Variants in PALLD observed in about 807,000 individuals in gnomAD.
The protein encoded by PALLD is palladin.
A neutral mutation model predicts 123.5 loss-of-function variants in PALLD; 61 were observed. The observed-to-expected ratio is 0.49, with a 90% CI of 0.40 to 0.61. The LOEUF is 0.61. Among genes scored for constraint, PALLD ranks in the 20% least tolerant of loss-of-function variants. The probability of loss-of-function intolerance (pLI) is 0.00; values close to 1 mark genes in which losing one functional copy is unlikely to be tolerated. For missense variants in PALLD, 1,273 were observed against 1,377.0 expected (o/e 0.92, Z 1.20); for synonymous variants, 465 against 496.4 (o/e 0.94, Z 0.84).
At chr4:168,714,834 G>C (rs1785186727) in intron 10 of PALLD, among the ~76,000 whole-genome samples, 1 of 151,582 alleles carries the variant, frequency 6.6e-6, no homozygotes, top group Non-Finnish European at 1.5e-5. Flanking sequence ...TCAGATGTCT[G>C]GGGGAAAGAA....
intron 10 of PALLD, among the ~76,000 whole-genome samples, chr4:168,823,584 G>A (rs1581648323): frequency 1.3e-5 from 2 of 152,278 alleles, no homozygotes; most frequent in East Asian, 3.9e-4. Context: ...GGAGGCTGAG[G>A]TGGGAGGATG....
intron 17 of PALLD, 92 bp from the exon 18 acceptor site, chr4:168,921,442 A>G (rs910808796): frequency 3.6e-6 from 3 of 827,230 alleles, no homozygotes; most frequent in African/African-American, 3.4e-5. Flanking sequence ...CTCTTGTACT[A>G]CTGAAGGAGG....
chr4:168,645,911 A>G (rs993114000), intron 2 of PALLD, among the ~76,000 whole-genome samples: 3 of 152,176 alleles, frequency 2.0e-5, no homozygotes, highest in Admixed American at 6.5e-5. Context: ...GAAGTAACAT[A>G]TGGAAAACTC....
rs147140708 is a variant in PALLD, at chr4:168,676,972, A to T, written c.1088-4360A>T. 6.0e-3 allele frequency among the ~76,000 whole-genome samples: 909 copies of T among 152,276 alleles called. 5 individuals are homozygous for T. Among genetic ancestry groups the T allele is most frequent in the Middle Eastern group, 0.014 (4 of 294 alleles). Reference sequence around the variant, plus strand: ...TCCACTGGCCAAAGCCTGGAGCAGGATCGTCGGCGTGTGATTCCTTCACTC... The same window carrying T: ...TCCACTGGCCAAAGCCTGGAGCAGGTTCGTCGGCGTGTGATTCCTTCACTC... On this transcript the variant is annotated intron_variant, in intron 3 of 21. Coordinates refer to ENST00000505667, the MANE Select transcript of PALLD (RefSeq NM_001166108.2).
chr4:168,796,102 G>T (rs1382689052), intron 10 of PALLD, among the ~76,000 whole-genome samples: 1 of 151,926 alleles, frequency 6.6e-6, no homozygotes, highest in East Asian at 1.9e-4. Flanking sequence ...AGTTCCTATT[G>T]ACTATAGTCA....
chr4:168,733,512 G>T (rs1376890390), intron 10 of PALLD, among the ~76,000 whole-genome samples: 1 of 148,716 alleles, frequency 6.7e-6, no homozygotes, highest in Non-Finnish European at 1.5e-5. Context: ...GATCATAATT[G>T]TAAAATATTA....
At chr4:168,898,227 GC>G in intron 13 of PALLD, 1 of 478,668 alleles carries the variant, frequency 2.1e-6, no homozygotes, top group South Asian at 2.3e-5. Flanking sequence ...GTTTCCCCTC[GC>G]CTCAGAGAAA....
intron 2 of PALLD, among the ~76,000 whole-genome samples, chr4:168,519,969 C>A (rs1037664217): frequency 1.3e-5 from 2 of 151,762 alleles, no homozygotes; most frequent in South Asian, 4.2e-4. Context: ...TTGCGGAGGA[C>A]AATAAATATT....
In PALLD at chr4:168,763,656, C is replaced by T. The variant is rs115428189; in HGVS notation, c.1964+51733C>T. On this transcript the variant is annotated intron_variant, in intron 10 of 21. Transcript: ENST00000505667. ...AGCAGCAGGAGGTGGGACAAGCTGA[C>T]TTCTACTCTGAGTGAGTTAAGAACC... 3.7e-3 allele frequency among the ~76,000 whole-genome samples: 561 copies of T among 152,332 alleles called. 4 individuals carry two copies. The highest frequency in any genetic ancestry group is 0.013 in the African/African-American group (535 of 41,580).
At chr4:168,548,866 G>C (rs1766438138) in intron 2 of PALLD, among the ~76,000 whole-genome samples, 1 of 152,056 alleles carries the variant, frequency 6.6e-6, no homozygotes, top group South Asian at 2.1e-4. Flanking sequence ...GAAAGTTGCA[G>C]ACTGGGTACA....
At chr4:168,696,948 C>T (rs1783186458) in intron 8 of PALLD, among the ~76,000 whole-genome samples, 1 of 152,112 alleles carries the variant, frequency 6.6e-6, no homozygotes, top group South Asian at 2.1e-4. Flanking sequence ...TATCAATTGC[C>T]AGATGGAAAA....
intron 8 of PALLD, among the ~76,000 whole-genome samples, chr4:168,704,541 G>A (rs910259127): frequency 1.3e-5 from 2 of 151,884 alleles, no homozygotes; most frequent in African/African-American, 4.8e-5. Flanking sequence ...GCGGGCGCCT[G>A]TAGTCCCAGC....
At chr4:168,639,744 C>T (rs1304291012) in intron 2 of PALLD, among the ~76,000 whole-genome samples, 2 of 152,196 alleles carry the variant, frequency 1.3e-5, no homozygotes, top group Non-Finnish European at 2.9e-5. Context: ...CGGGGTTTCA[C>T]CGTGTTAGCC....
rs1415969496 is a variant in PALLD at position 168,836,434 on chromosome 4, T to TG, written c.1965-54488_1965-54487insG. On this transcript the variant is annotated intron_variant, in intron 10 of 21. Transcript: ENST00000505667. Reference sequence around the variant, plus strand: ...TACTGGCAAAAGCTTTGTATTTTTTTCATATAGAAGTGTTAAAAATAGATT... The same window carrying TG: ...TACTGGCAAAAGCTTTGTATTTTTTTGCATATAGAAGTGTTAAAAATAGATT... 2.6e-5 allele frequency among the ~76,000 whole-genome samples: 4 copies of TG among 152,336 alleles called. No individual in the cohort carries two copies. In the East Asian group the frequency reaches 7.7e-4, roughly 29 times the overall value.
chr4:168,682,676 G>A (rs1561393276), intron 4 of PALLD, among the ~76,000 whole-genome samples: 1 of 152,060 alleles, frequency 6.6e-6, no homozygotes, highest in African/African-American at 2.4e-5. Flanking sequence ...TTTCTCTTAG[G>A]ATTTTCAAGT....
At chr4:168,639,876 G>A (rs896392204) in intron 2 of PALLD, among the ~76,000 whole-genome samples, 1 of 152,110 alleles carries the variant, frequency 6.6e-6, no homozygotes, top group Non-Finnish European at 1.5e-5. Flanking sequence ...GCCAGGAAGA[G>A]TTAAGTCTCC....
At chr4:168,626,820 T>G (rs2723693) in intron 2 of PALLD, among the ~76,000 whole-genome samples, 114,275 of 152,040 alleles carry the variant, frequency 0.75, 43,061 homozygotes, top group Middle Eastern at 0.83. Context: ...GATGAGCCCT[T>G]GAGGATATTA....
At chr4:168,742,118 C>T (rs1231019850) in intron 10 of PALLD, among the ~76,000 whole-genome samples, 1 of 152,142 alleles carries the variant, frequency 6.6e-6, no homozygotes. Context: ...CTGAGGAAGC[C>T]ATATGGATGG....
intron 2 of PALLD, 108 bp from the exon 3 acceptor site, chr4:168,668,082 A>G: frequency 1.1e-6 from 1 of 878,074 alleles, no homozygotes; most frequent in Non-Finnish European, 1.9e-6. Context: ...TTTTAATCAA[A>G]CAAACATCAT....
Sources: gnomAD v4.1 joint callset for allele counts (sites outside exome capture counted in the v4.1 genomes callset) on GRCh38, gnomAD v4.1.1 for gene constraint, MANE v1.5 for transcripts, NCBI Gene and HGNC (gene_info 2026-07-23, HGNC 2026-07-21) for gene names.